The following WAC variants were observed in gnomAD, a reference collection of about 807,000 sequenced individuals.
WAC encodes the protein WW domain containing adaptor with coiled-coil.
Under a neutral mutation model 79.6 loss-of-function variants are expected in WAC, and 11 were observed. The observed-to-expected ratio is 0.14, with a 90% CI of 0.09 to 0.23. WAC has a LOEUF of 0.23. Ranked by LOEUF, WAC falls within the 10% of genes least tolerant of loss-of-function variation. The pLI, the probability that WAC is intolerant of heterozygous loss-of-function variation, is 1.00. For synonymous variants in WAC, 304 were observed against 276.9 expected (o/e 1.10, Z -0.97); for missense variants, 728 against 773.5 (o/e 0.94, Z 0.70).
At chr10:28,552,751 GAA>G (rs57780410) in intron 3 of WAC, among the ~76,000 whole-genome samples, 137 of 150,336 alleles carry the variant, frequency 9.1e-4, no homozygotes, top group African/African-American at 3.2e-3. Context: ...ATTAAAATGA[GAA>G]AAAAAGAGTA....
At chr10:28,568,939 C>A (rs901462958) in intron 3 of WAC, among the ~76,000 whole-genome samples, 7 of 152,230 alleles carry the variant, frequency 4.6e-5, no homozygotes, top group Non-Finnish European at 7.4e-5. Flanking sequence ...ACATATATGT[C>A]CCTGTGATTA....
chr10:28,604,978 A>G (rs148918650), intron 7 of WAC, among the ~76,000 whole-genome samples: 21 of 152,344 alleles, frequency 1.4e-4, no homozygotes, highest in Admixed American at 1.4e-3. Context: ...CTCAGCTTTT[A>G]GTATTATACA....
intron 4 of WAC, among the ~76,000 whole-genome samples, chr10:28,586,975 T>C (rs1287801154): frequency 6.6e-6 from 1 of 151,954 alleles, no homozygotes; most frequent in Non-Finnish European, 1.5e-5. Flanking sequence ...AGCTTTTGAG[T>C]CTTGAGCCAG....
In WAC at chr10:28,611,893, A is replaced by G. The variant is rs373563892; in HGVS notation, c.1408A>G (p.Ser470Gly). 3.8e-5 allele frequency: 61 copies of G among 1,614,068 alleles called. No individual in the cohort carries two copies. The highest frequency in any genetic ancestry group is 5.0e-5 in the Non-Finnish European group (59 of 1,180,030). Residue 470 changes from serine (S) to glycine (G), a missense_variant, in exon 10 of 14, where the codon AGT (serine) becomes GGT (glycine). Ser to Gly is a moderately conservative substitution (Grantham distance 56, BLOSUM62 0). Coordinates refer to ENST00000354911, the MANE Select transcript of WAC (RefSeq NM_016628.5). The stretch of plus-strand genomic sequence containing the variant: ...CACAGTCCCTATCAAACCTTTGATC[A>G]GTACTCCTCCTGTTTCATCACAGCC... Reference protein sequence around the residue: ...TNTVPIKPLISTPPVSSQPKV... With the variant: ...TNTVPIKPLIGTPPVSSQPKV...
At chr10:28,619,478 G>A (rs1032136986) in intron 13 of WAC, 59 bp from the exon 14 acceptor site, 13 of 1,266,894 alleles carry the variant, frequency 1.0e-5, no homozygotes, top group South Asian at 3.2e-5. Flanking sequence ...ATAAAAGCTC[G>A]GGTTTTCTGT....
intron 10 of WAC, among the ~76,000 whole-genome samples, chr10:28,612,695 CG>C (rs1417912361): frequency 3.3e-5 from 5 of 151,358 alleles, no homozygotes; most frequent in African/African-American, 1.2e-4. Context: ...TAAGTCTTCC[CG>C]TTTGTTCATC....
chr10:28,577,300 A>G (rs995191608), intron 3 of WAC, among the ~76,000 whole-genome samples: 2 of 152,188 alleles, frequency 1.3e-5, no homozygotes, highest in African/African-American at 2.4e-5. Context: ...TCTTACCCCT[A>G]AATAGCTGCA....
intron 3 of WAC, among the ~76,000 whole-genome samples, chr10:28,567,525 GAA>G (rs1306847282): frequency 6.6e-6 from 1 of 152,154 alleles, no homozygotes; most frequent in African/African-American, 2.4e-5. Flanking sequence ...AGTATTTGAT[GAA>G]GTCTCTTCTT....
intron 4 of WAC, among the ~76,000 whole-genome samples, chr10:28,585,222 A>G (rs749105141): frequency 2.6e-5 from 4 of 152,200 alleles, no homozygotes; most frequent in African/African-American, 4.8e-5. Context: ...TTGGGGTTTT[A>G]GAACCCAGTA....
chr10:28,533,938 C>T (rs1836453318), intron 1 of WAC, 60 bp from the exon 2 acceptor site: 15 of 1,592,652 alleles, frequency 9.4e-6, no homozygotes, highest in South Asian at 7.7e-5. Context: ...CGTTTTCTTC[C>T]TCCCCGGCCC....
chr10:28,598,058 G>A (rs573308213), intron 7 of WAC, among the ~76,000 whole-genome samples: 9 of 152,246 alleles, frequency 5.9e-5, no homozygotes, highest in African/African-American at 2.2e-4. Flanking sequence ...GCGAGCCACC[G>A]TACCTGGCCA....
chr10:28,606,328 G>A (rs1360689560), intron 7 of WAC, among the ~76,000 whole-genome samples: 2 of 152,136 alleles, frequency 1.3e-5, no homozygotes, highest in Admixed American at 1.3e-4. Context: ...GAGCCACCAC[G>A]TCCATCTGAC....
intron 4 of WAC, among the ~76,000 whole-genome samples, chr10:28,584,765 A>G (rs1434127931): frequency 2.0e-5 from 3 of 152,186 alleles, no homozygotes. Flanking sequence ...TAATATTTGG[A>G]TAAAAATAGA....
intron 3 of WAC, among the ~76,000 whole-genome samples, chr10:28,536,714 G>C (rs1313839143): frequency 6.6e-6 from 1 of 152,192 alleles, no homozygotes; most frequent in East Asian, 1.9e-4. Flanking sequence ...CTGAGAATAA[G>C]TAAACAAAAC....
chr10:28,540,823 G>C (rs1447015912), intron 3 of WAC, among the ~76,000 whole-genome samples: 1 of 151,994 alleles, frequency 6.6e-6, no homozygotes, highest in Non-Finnish European at 1.5e-5. Flanking sequence ...TCTGTTTCAA[G>C]AGAAGTGGAA....
At chr10:28,577,821 G>A (rs569276507) in intron 3 of WAC, among the ~76,000 whole-genome samples, 1 of 152,264 alleles carries the variant, frequency 6.6e-6, no homozygotes, top group East Asian at 1.9e-4. Context: ...TGTGTGGCCT[G>A]GGTGCTAACT....
intron 3 of WAC, among the ~76,000 whole-genome samples, chr10:28,550,140 G>T (rs1837578333): frequency 6.7e-6 from 1 of 149,468 alleles, no homozygotes; most frequent in Admixed American, 6.7e-5. Flanking sequence ...CTGCACTCCA[G>T]TGGGTGATAA....
intron 3 of WAC, among the ~76,000 whole-genome samples, chr10:28,554,558 T>C (rs566275789): frequency 1.3e-5 from 2 of 152,142 alleles, no homozygotes; most frequent in South Asian, 4.1e-4. Context: ...CGTGAATTTG[T>C]TCACTTTTTC....
chr10:28,561,751 C>G (rs766125326), intron 3 of WAC, among the ~76,000 whole-genome samples: 2 of 152,148 alleles, frequency 1.3e-5, no homozygotes, highest in South Asian at 4.1e-4. Context: ...GCATTGGAGC[C>G]GGAGTTCCGC....
Sources: gnomAD v4.1 joint callset for allele counts (sites outside exome capture counted in the v4.1 genomes callset) on GRCh38, gnomAD v4.1.1 for gene constraint, MANE v1.5 for transcripts, NCBI Gene and HGNC (gene_info 2026-07-23, HGNC 2026-07-21) for gene names.